Variants in SH3RF3 observed in about 807,000 individuals in gnomAD.
SH3RF3 encodes the protein SH3 domain containing ring finger 3, also known as E3 ubiquitin-protein ligase SH3RF3.
In SH3RF3, 29 loss-of-function variants were observed where a neutral mutation model predicts 66.3. That is an observed-to-expected ratio of 0.44 (90% CI 0.33 to 0.60). The LOEUF (loss-of-function observed/expected upper bound fraction) is 0.60, where lower values mean the gene tolerates loss of function less well. Ranked by LOEUF, SH3RF3 falls within the 20% of genes least tolerant of loss-of-function variation. The probability of loss-of-function intolerance (pLI) is 0.04; values close to 1 mark genes in which losing one functional copy is unlikely to be tolerated. For missense variants in SH3RF3, 1,194 were observed against 1,190.9 expected, an observed-to-expected ratio of 1.00 and a Z score of -0.04; for synonymous variants, 583 against 532.0, an observed-to-expected ratio of 1.10 and a Z score of -1.32.
intron 1 of SH3RF3, among the ~76,000 whole-genome samples, chr2:109,328,606 G>A (rs184022091): frequency 8.5e-5 from 13 of 152,290 alleles, no homozygotes; most frequent in East Asian, 7.7e-4. Context: ...CTAATCTAGC[G>A]TTCCAGGTTA....
chr2:109,157,093 C>T (rs1006870675), intron 1 of SH3RF3, among the ~76,000 whole-genome samples: 1 of 152,182 alleles, frequency 6.6e-6, no homozygotes, highest in African/African-American at 2.4e-5. Flanking sequence ...TGGCTCCAGG[C>T]TCATAGCACC....
chr2:109,143,315 G>A (rs2104839851), intron 1 of SH3RF3, among the ~76,000 whole-genome samples: 1 of 152,228 alleles, frequency 6.6e-6, no homozygotes, highest in African/African-American at 2.4e-5. Flanking sequence ...CCATAGTTTG[G>A]ATAAAAAATG....
intron 1 of SH3RF3, among the ~76,000 whole-genome samples, chr2:109,305,899 T>C (rs1335500049): frequency 6.6e-6 from 1 of 152,232 alleles, no homozygotes; most frequent in Non-Finnish European, 1.5e-5. Context: ...GGAGTTCCCC[T>C]GAGCTCTGCC....
rs183395898 is a variant in SH3RF3 at position 109,163,986 on chromosome 2, A to G, written c.573+33873A>G. On this transcript the variant is annotated intron_variant, in intron 1 of 9. Transcript: ENST00000309415. ...TTCTTGATGTCCTTCCCTTCCCCCT[A>G]CATCCTCTCCAGGGCTTTAGTTTGT... 6.6e-5 allele frequency among the ~76,000 whole-genome samples: 10 copies of G among 152,146 alleles called. No homozygotes were observed. In the East Asian group the frequency reaches 1.9e-3, roughly 29 times the overall value.
At chr2:109,298,258 A>C (rs1390790185) in intron 1 of SH3RF3, among the ~76,000 whole-genome samples, 1 of 152,142 alleles carries the variant, frequency 6.6e-6, no homozygotes, top group African/African-American at 2.4e-5. Flanking sequence ...GATCTCAGCT[A>C]TGTCCCCGAG....
At chr2:109,231,789 C>G (rs1679520764) in intron 1 of SH3RF3, among the ~76,000 whole-genome samples, 1 of 152,180 alleles carries the variant, frequency 6.6e-6, no homozygotes, top group South Asian at 2.1e-4. Flanking sequence ...ATTCCTTGTT[C>G]TCCTCTTATT....
Position 109,203,615 on chromosome 2 carries a change from C to T in SH3RF3, c.573+73502C>T, listed in dbSNP as rs1046187740. 7.9e-5 allele frequency among the ~76,000 whole-genome samples: 12 copies of T among 152,244 alleles called. 1 individual carries two copies. Among genetic ancestry groups the T allele is most frequent in the Middle Eastern group, 3.4e-3 (1 of 294 alleles). ...CACTGTTCTCCACTTTCCCTTTGCA[C>T]GACAAGCATCGTGGCCCTGTCTCTG... On this transcript the variant is annotated intron_variant, in intron 1 of 9. Transcript: ENST00000309415.
At chr2:109,251,436 C>T in intron 1 of SH3RF3, 3 of 714,108 alleles carry the variant, frequency 4.2e-6, no homozygotes, top group Non-Finnish European at 7.9e-6. Context: ...GCAAAGCTCA[C>T]CCTCCCGAGT....
At chr2:109,235,861 T>C (rs1194236828) in intron 1 of SH3RF3, among the ~76,000 whole-genome samples, 1 of 152,208 alleles carries the variant, frequency 6.6e-6, no homozygotes, top group Admixed American at 6.5e-5. Context: ...TAAAACCTCT[T>C]AACCCTGCCA....
chr2:109,478,150 C>G (rs1678738463), intron 8 of SH3RF3, among the ~76,000 whole-genome samples: 2 of 152,248 alleles, frequency 1.3e-5, no homozygotes, highest in South Asian at 4.1e-4. Context: ...TGGAGGCCGC[C>G]TTTGGGGCAG....
intron 1 of SH3RF3, among the ~76,000 whole-genome samples, chr2:109,190,717 G>C (rs988589036): frequency 6.6e-6 from 1 of 152,154 alleles, no homozygotes; most frequent in East Asian, 1.9e-4. Flanking sequence ...AATTTGCTAG[G>C]TGTTGGGTGT....
chr2:109,181,693 A>G (rs1405156335), intron 1 of SH3RF3, among the ~76,000 whole-genome samples: 1 of 152,082 alleles, frequency 6.6e-6, no homozygotes, highest in African/African-American at 2.4e-5. Context: ...GGGGGTTCCT[A>G]TTCTCTGAGT....
At chr2:109,295,417 A>G (rs1047646055) in intron 1 of SH3RF3, among the ~76,000 whole-genome samples, 6 of 152,222 alleles carry the variant, frequency 3.9e-5, no homozygotes, top group African/African-American at 1.4e-4. Flanking sequence ...TTCAGTGTCT[A>G]AAGAACTCAG....
intron 3 of SH3RF3, among the ~76,000 whole-genome samples, chr2:109,386,427 A>C (rs1036276901): frequency 6.6e-6 from 1 of 152,164 alleles, no homozygotes; most frequent in Admixed American, 6.5e-5. Context: ...AAAAAAAAAA[A>C]AAAAAACACT....
At chr2:109,447,147 TAAAAAAAA>T (rs61240132) in intron 7 of SH3RF3, among the ~76,000 whole-genome samples, 1 of 82,704 alleles carries the variant, frequency 1.2e-5, no homozygotes, top group Non-Finnish European at 2.7e-5. Flanking sequence ...CCTGAATATT[TAAAAAAAA>T]AAAAAAAAAA....
chr2:109,333,032 T>G (rs1456166571), intron 1 of SH3RF3, among the ~76,000 whole-genome samples: 1 of 152,250 alleles, frequency 6.6e-6, no homozygotes, highest in Admixed American at 6.5e-5. Context: ...AGCCTGGGAT[T>G]GGGAATGCGC....
intron 1 of SH3RF3, among the ~76,000 whole-genome samples, chr2:109,298,987 C>T (rs928180366): frequency 2.6e-5 from 4 of 152,218 alleles, no homozygotes; most frequent in Admixed American, 6.5e-5. Context: ...CGCCGGCCTG[C>T]ACCAACCCCC....
At chr2:109,494,046 G>A (rs139092584) in intron 9 of SH3RF3, among the ~76,000 whole-genome samples, 38,786 of 151,988 alleles carry the variant, frequency 0.26, 5,306 homozygotes, top group East Asian at 0.5. Context: ...TTGGTCTGCC[G>A]GCTCGTGAGA....
chr2:109,195,679 T>G (rs1678481844), intron 1 of SH3RF3, among the ~76,000 whole-genome samples: 1 of 152,246 alleles, frequency 6.6e-6, no homozygotes, highest in Non-Finnish European at 1.5e-5. Context: ...CGTTTGCATC[T>G]TATTTTTCTG....
Sources: gnomAD v4.1 joint callset for allele counts (sites outside exome capture counted in the v4.1 genomes callset) on GRCh38, gnomAD v4.1.1 for gene constraint, MANE v1.5 for transcripts, NCBI Gene and HGNC (gene_info 2026-07-23, HGNC 2026-07-21) for gene names.